The following PTPRD variants were observed in gnomAD, a reference collection of about 807,000 sequenced individuals.
PTPRD encodes receptor-type tyrosine-protein phosphatase delta.
In PTPRD, 34 loss-of-function variants were observed where a neutral mutation model predicts 214.5. The observed-to-expected ratio is 0.16, with a 90% CI of 0.12 to 0.21. The LOEUF (loss-of-function observed/expected upper bound fraction) is 0.21, where lower values mean the gene tolerates loss of function less well. Among genes scored for constraint, PTPRD ranks in the 10% least tolerant of loss-of-function variants. The pLI is 1.00. For missense variants in PTPRD, 2,545 were observed against 2,398.7 expected (o/e 1.06, Z -1.27); for synonymous variants, 1,128 against 845.7 (o/e 1.33, Z -5.79).
At chr9:10,272,809 T>C (rs577948767) in intron 3 of PTPRD, among the ~76,000 whole-genome samples, 1 of 152,336 alleles carries the variant, frequency 6.6e-6, no homozygotes, top group South Asian at 2.1e-4. Context: ...CTTTTTAAAA[T>C]TCTAATATAT....
At chr9:9,758,825 G>A (rs750584121) in intron 6 of PTPRD, among the ~76,000 whole-genome samples, 3 of 150,640 alleles carry the variant, frequency 2.0e-5, no homozygotes, top group Non-Finnish European at 4.4e-5. Flanking sequence ...ACAGGCAAGG[G>A]GAAGATCTCT....
intron 3 of PTPRD, among the ~76,000 whole-genome samples, chr9:10,303,151 C>A (rs2095921424): frequency 6.6e-6 from 1 of 152,122 alleles, no homozygotes; most frequent in Non-Finnish European, 1.5e-5. Context: ...CAATGTGCTC[C>A]TGAATGACTA....
intron 3 of PTPRD, among the ~76,000 whole-genome samples, chr9:10,107,978 T>C (rs1253574970): frequency 6.6e-6 from 1 of 152,082 alleles, no homozygotes; most frequent in African/African-American, 2.4e-5. Flanking sequence ...TACGGGTGAT[T>C]CTCTGCACTT....
At chr9:8,952,938 C>T (rs2099110876) in intron 11 of PTPRD, among the ~76,000 whole-genome samples, 1 of 141,004 alleles carries the variant, frequency 7.1e-6, no homozygotes, top group East Asian at 2.4e-4. Context: ...TCTGTCCAAG[C>T]AACTTTCAGT....
chr9:10,249,497 A>C (rs1457768044), intron 3 of PTPRD, among the ~76,000 whole-genome samples: 1 of 152,192 alleles, frequency 6.6e-6, no homozygotes, highest in African/African-American at 2.4e-5. Context: ...AGGCAAAAGC[A>C]CACTGCCTGA....
intron 11 of PTPRD, among the ~76,000 whole-genome samples, chr9:9,015,156 G>C (rs987349352): frequency 6.6e-6 from 1 of 152,140 alleles, no homozygotes; most frequent in Admixed American, 6.6e-5. Context: ...GAATGTGTCA[G>C]AGGCATTTAA....
intron 6 of PTPRD, among the ~76,000 whole-genome samples, chr9:9,752,759 G>A (rs946879397): frequency 3.3e-5 from 5 of 152,046 alleles, no homozygotes; most frequent in South Asian, 4.2e-4. Flanking sequence ...TAGAAAAATC[G>A]TTTTACATTG....
intron 10 of PTPRD, among the ~76,000 whole-genome samples, chr9:9,090,197 C>G (rs172863): frequency 6.6e-6 from 1 of 151,944 alleles, no homozygotes; most frequent in Non-Finnish European, 1.5e-5. Context: ...ACCTACCTCT[C>G]TTCATCTCCC....
At chr9:8,863,774 T>C (rs1165692742) in intron 11 of PTPRD, among the ~76,000 whole-genome samples, 2 of 152,174 alleles carry the variant, frequency 1.3e-5, no homozygotes, top group African/African-American at 2.4e-5. Flanking sequence ...TTTGTTTCAC[T>C]GAGGAAACAA....
At chr9:9,933,229 A>G (rs1254807711) in intron 5 of PTPRD, among the ~76,000 whole-genome samples, 2 of 152,262 alleles carry the variant, frequency 1.3e-5, no homozygotes, top group African/African-American at 2.4e-5. Flanking sequence ...ACATAACAAT[A>G]TTAACTTTAA....
intron 3 of PTPRD, among the ~76,000 whole-genome samples, chr9:10,076,441 T>A (rs73641843): frequency 1.3e-5 from 2 of 152,120 alleles, no homozygotes; most frequent in Non-Finnish European, 2.9e-5. Context: ...CATTGCTTAT[T>A]AACTCTGACT....
At chr9:10,265,199 G>C (rs1595702250) in intron 3 of PTPRD, among the ~76,000 whole-genome samples, 1 of 152,130 alleles carries the variant, frequency 6.6e-6, no homozygotes, top group South Asian at 2.1e-4. Context: ...TCAGAGGCTT[G>C]AAAACTTCCT....
chr9:10,282,139 C>G (rs1272365646), intron 3 of PTPRD, among the ~76,000 whole-genome samples: 1 of 152,092 alleles, frequency 6.6e-6, no homozygotes, highest in Non-Finnish European at 1.5e-5. Context: ...TCTGGTAGAA[C>G]TGGGTTTGAA....
At position 8,687,679 on chromosome 9, in the gene PTPRD, GA is replaced by G. The variant is rs542455238; in HGVS notation, c.64+46100del. Among the ~76,000 whole-genome samples the G allele has an allele frequency of 3.8e-3, 578 of 151,008 alleles. 3 individuals carry two copies. Among genetic ancestry groups the G allele is most frequent in the African/African-American group, 0.013 (545 of 41,308 alleles). The stretch of plus-strand genomic sequence containing the variant: ...CTATCCAAAGCAAATATGTGGAATG[GA>G]AAAAAGGCAAATATTAAATTCTGAA... On this transcript the variant is annotated intron_variant, in intron 12 of 45. Coordinates refer to ENST00000381196, the MANE Select transcript of PTPRD (RefSeq NM_002839.4).
At chr9:9,786,071 A>G (rs570377306) in intron 5 of PTPRD, among the ~76,000 whole-genome samples, 24 of 152,330 alleles carry the variant, frequency 1.6e-4, no homozygotes, top group African/African-American at 4.8e-4. Context: ...CATTATCAAT[A>G]ATACAAACCA....
intron 10 of PTPRD, among the ~76,000 whole-genome samples, chr9:9,045,157 T>G (rs1171869347): frequency 6.6e-6 from 1 of 152,148 alleles, no homozygotes; most frequent in Non-Finnish European, 1.5e-5. Flanking sequence ...CTAGGGGATT[T>G]TAGAGCACTT....
intron 14 of PTPRD, among the ~76,000 whole-genome samples, chr9:8,596,945 C>A (rs1165118690): frequency 6.6e-6 from 1 of 152,026 alleles, no homozygotes; most frequent in African/African-American, 2.4e-5. Flanking sequence ...GGATGTCATC[C>A]TAAAACCTCA....
Position 10,182,595 on chromosome 9 carries a change from AC to A in PTPRD, c.-544-148806del, listed in dbSNP as rs1273539865. Reference sequence around the variant, plus strand: ...AATACAAAAATTCACAGAGGGGGAAACCAAAATGACAAGTAAGTATTTTGAA... The same window carrying A: ...AATACAAAAATTCACAGAGGGGGAAACAAAATGACAAGTAAGTATTTTGAA... On this transcript the variant is annotated intron_variant, in intron 3 of 45. Transcript: ENST00000381196. 2.6e-5 allele frequency among the ~76,000 whole-genome samples: 4 copies of A among 152,194 alleles called. No individual in the cohort carries two copies. In the East Asian group the frequency reaches 7.7e-4, roughly 29 times the overall value.
In PTPRD at chr9:8,404,652, G is replaced by C. The variant is rs1487661697; in HGVS notation, c.4095C>G (p.Asp1365Glu). 1.2e-6 allele frequency: 2 copies of C among 1,608,832 alleles called. No homozygotes were observed. Among genetic ancestry groups the C allele is most frequent in the Non-Finnish European group, 1.7e-6 (2 of 1,176,310 alleles). Reference sequence around the variant, plus strand: ...GTTCCCAAGTGAACTGCTGGCCAGGGTCAATTGACTTTAAAAGGAAAACAA... The same window carrying C: ...GTTCCCAAGTGAACTGCTGGCCAGGCTCAATTGACTTTAAAAGGAAAACAA... ...LKFSQEYESIDPGQQFTWEHS... is the reference protein window; with the variant it reads ...LKFSQEYESIEPGQQFTWEHS... The change falls in exon 36 of 46, where the codon GAC becomes GAG. Residue 1365 changes from aspartate to glutamate, a missense_variant. Coordinates refer to ENST00000381196, the MANE Select transcript of PTPRD (RefSeq NM_002839.4).
Sources: allele counts gnomAD v4.1 joint callset (sites outside exome capture counted in the v4.1 genomes callset), GRCh38; gene constraint gnomAD v4.1.1; transcripts MANE v1.5; gene names NCBI Gene and HGNC (gene_info 2026-07-23, HGNC 2026-07-21).